LAMA2: variants seen among roughly 807,000 people sequenced by gnomAD.
The protein encoded by LAMA2 is laminin subunit alpha 2, also known as laminin subunit alpha-2.
Under a neutral mutation model 364.8 loss-of-function variants are expected in LAMA2, and 269 were observed. The ratio of observed to expected loss-of-function variants is 0.74; its 90% CI spans 0.67 to 0.82. LAMA2 has a LOEUF of 0.82. LAMA2 is among the 40% of genes least tolerant of loss of function. The pLI is 0.00. For missense variants in LAMA2, 3,807 were observed against 3,873.2 expected, an observed-to-expected ratio of 0.98 and a Z score of 0.45; for synonymous variants, 1,379 against 1,370.6, an observed-to-expected ratio of 1.01 and a Z score of -0.14.
chr6:129,482,411 A>G (rs1211119033), intron 55 of LAMA2, among the ~76,000 whole-genome samples: 1 of 152,196 alleles, frequency 6.6e-6, no homozygotes, highest in Non-Finnish European at 1.5e-5. Context: ...GTATTCTTTA[A>G]TATCTTCAAT....
intron 3 of LAMA2, among the ~76,000 whole-genome samples, 154 bp downstream of exon 3, chr6:129,060,050 C>T (rs533423123): frequency 8.5e-5 from 13 of 152,250 alleles, no homozygotes; most frequent in Admixed American, 3.3e-4. Flanking sequence ...ATTCATATAG[C>T]GTATTGTTAT....
chr6:129,244,378 T>C (rs1419815054), intron 12 of LAMA2, among the ~76,000 whole-genome samples: 1 of 152,134 alleles, frequency 6.6e-6, no homozygotes, highest in Non-Finnish European at 1.5e-5. Flanking sequence ...GGATACCTTT[T>C]CAGAGTTTAA....
chr6:129,178,574 T>C (rs1415319272), intron 10 of LAMA2, among the ~76,000 whole-genome samples: 2 of 152,186 alleles, frequency 1.3e-5, no homozygotes, highest in African/African-American at 4.8e-5. Context: ...GACCAGACGG[T>C]GTATAACTAC....
chr6:129,209,543 C>T (rs1028093023), intron 12 of LAMA2, among the ~76,000 whole-genome samples: 3 of 152,126 alleles, frequency 2.0e-5, no homozygotes, highest in African/African-American at 7.2e-5. Flanking sequence ...ACTCTGCATC[C>T]CTGATTTATA....
At chr6:128,956,203 A>G (rs1174999376) in intron 1 of LAMA2, among the ~76,000 whole-genome samples, 2 of 151,980 alleles carry the variant, frequency 1.3e-5, no homozygotes, top group Non-Finnish European at 2.9e-5. Context: ...ATATTTTAAT[A>G]TTAAAGGAAG....
chr6:129,018,335 T>C (rs868614226), intron 1 of LAMA2, among the ~76,000 whole-genome samples: 20 of 151,916 alleles, frequency 1.3e-4, no homozygotes, highest in African/African-American at 4.8e-4. Flanking sequence ...GGAAATCAAT[T>C]TGAAGGCAAA....
Position 129,271,464 on chromosome 6 carries a change from CTTTTTT to C in LAMA2, c.2450+731_2450+736del, listed in dbSNP as rs11287525. On this transcript the variant is annotated intron_variant, in intron 17 of 64. Coordinates refer to ENST00000421865, the MANE Select transcript of LAMA2 (RefSeq NM_000426.4). ...GTTGTTTTGTTTTTAAATTGGGATA[CTTTTTT>C]TTTTTTTTTTTTTTTTTGAGACAGA... Among the ~76,000 whole-genome samples, 7 of 80,248 alleles carry C rather than the reference CTTTTTT, an allele frequency of 8.7e-5. No homozygotes were observed. In the East Asian group the frequency reaches 2.4e-3, roughly 27 times the overall value. 52.6% of individuals were successfully genotyped at this position (80,248 alleles called of 152,430 possible). A position where few individuals can be genotyped will look rare whatever the true frequency, so the allele number is the denominator to read the frequency against.
At chr6:129,160,593 C>A (rs924853243) in intron 8 of LAMA2, among the ~76,000 whole-genome samples, 1 of 151,428 alleles carries the variant, frequency 6.6e-6, no homozygotes, top group African/African-American at 2.4e-5. Context: ...TTATATTATT[C>A]ATTTGACCTG....
intron 12 of LAMA2, among the ~76,000 whole-genome samples, chr6:129,228,158 C>T (rs1394825440): frequency 1.3e-5 from 2 of 152,110 alleles, no homozygotes; most frequent in Admixed American, 6.5e-5. Context: ...CCTGGTGTGC[C>T]GTTTGCTAAG....
intron 29 of LAMA2, among the ~76,000 whole-genome samples, chr6:129,334,866 T>C (rs377181916): frequency 2.6e-5 from 4 of 152,196 alleles, no homozygotes; most frequent in African/African-American, 9.6e-5. Flanking sequence ...AGCCTCATGA[T>C]GTAATCACCT....
At chr6:129,480,220 T>C (rs755623857) in intron 54 of LAMA2, among the ~76,000 whole-genome samples, 5 of 152,204 alleles carry the variant, frequency 3.3e-5, no homozygotes, top group Non-Finnish European at 5.9e-5. Context: ...TTTTACCAGC[T>C]CTTGTGTCAT....
chr6:129,163,459 C>T (rs1194942858), intron 8 of LAMA2, among the ~76,000 whole-genome samples: 3 of 152,046 alleles, frequency 2.0e-5, no homozygotes, highest in Non-Finnish European at 4.4e-5. Flanking sequence ...CATGGTGAAA[C>T]CCTGTCTCTA....
chr6:129,293,276 T>C (rs1789846772), intron 20 of LAMA2, among the ~76,000 whole-genome samples: 2 of 152,214 alleles, frequency 1.3e-5, no homozygotes, highest in South Asian at 2.1e-4. Flanking sequence ...CATAGGGTCA[T>C]AAAACTTTCA....
intron 1 of LAMA2, among the ~76,000 whole-genome samples, chr6:128,991,290 T>G (rs930009412): frequency 1.2e-4 from 19 of 152,314 alleles, no homozygotes; most frequent in African/African-American, 1.2e-4. Flanking sequence ...TTATATCAAC[T>G]GACACAGTCC....
At chr6:129,045,618 A>G (rs1001767440) in intron 1 of LAMA2, among the ~76,000 whole-genome samples, 8 of 152,218 alleles carry the variant, frequency 5.3e-5, no homozygotes, top group Non-Finnish European at 1.2e-4. Context: ...CTTCAGAATC[A>G]ATGTTTCTTG....
chr6:129,134,929 T>C (rs1180181389), intron 4 of LAMA2, among the ~76,000 whole-genome samples: 1 of 152,168 alleles, frequency 6.6e-6, no homozygotes, highest in Non-Finnish European at 1.5e-5. Context: ...GGAGGTGATA[T>C]TGGGTCTGGA....
chr6:129,440,048 C>T (rs952774627), intron 42 of LAMA2, among the ~76,000 whole-genome samples: 3 of 151,942 alleles, frequency 2.0e-5, no homozygotes, highest in African/African-American at 7.3e-5. Flanking sequence ...TTATTATCCC[C>T]ACTTTACAGG....
intron 51 of LAMA2, among the ~76,000 whole-genome samples, chr6:129,471,099 A>G (rs1054818175): frequency 6.6e-5 from 10 of 151,938 alleles, no homozygotes; most frequent in Non-Finnish European, 5.9e-5. Context: ...CTCTGTGTCT[A>G]TTATTTAATA....
intron 1 of LAMA2, among the ~76,000 whole-genome samples, chr6:128,893,596 A>G (rs968355772): frequency 2.6e-5 from 4 of 151,944 alleles, no homozygotes; most frequent in Non-Finnish European, 5.9e-5. Flanking sequence ...GCTTCCTACA[A>G]ACAAGTAGCA....
Sources: allele counts gnomAD v4.1 joint callset (sites outside exome capture counted in the v4.1 genomes callset), GRCh38; gene constraint gnomAD v4.1.1; transcripts MANE v1.5; gene names NCBI Gene and HGNC (gene_info 2026-07-23, HGNC 2026-07-21).